The following WDR72 variants were observed in gnomAD, a reference collection of about 807,000 sequenced individuals.
WDR72 encodes WD repeat-containing protein 72.
In WDR72, 120 loss-of-function variants were observed where a neutral mutation model predicts 124.2. The observed-to-expected ratio is 0.97, with a 90% CI of 0.83 to 1.12. WDR72 has a LOEUF of 1.12. WDR72 is among the 50% of genes most tolerant of loss of function. The pLI is 0.00. For synonymous variants in WDR72, 452 were observed against 441.7 expected, an observed-to-expected ratio of 1.02 and a Z score of -0.29; for missense variants, 1,387 against 1,278.8, an observed-to-expected ratio of 1.08 and a Z score of -1.29.
intron 14 of WDR72, among the ~76,000 whole-genome samples, chr15:53,654,617 T>C (rs1238148953): frequency 1.3e-5 from 2 of 152,222 alleles, no homozygotes; most frequent in East Asian, 3.9e-4. Context: ...TCTGAGGTAC[T>C]GTGTGTTATA....
At chr15:53,723,273 A>G (rs1466966742) in intron 2 of WDR72, among the ~76,000 whole-genome samples, 1 of 152,238 alleles carries the variant, frequency 6.6e-6, no homozygotes, top group Non-Finnish European at 1.5e-5. Context: ...AATTCAAAAT[A>G]ACTTCACAAA....
intron 18 of WDR72, among the ~76,000 whole-genome samples, chr15:53,555,109 T>A (rs1893876797): frequency 6.6e-6 from 1 of 152,000 alleles, no homozygotes; most frequent in South Asian, 2.1e-4. Flanking sequence ...TAATGATTCA[T>A]CTGAGATGGA....
rs2018630031 is a variant in WDR72 at position 53,745,807 on chromosome 15, T to C, written c.-12-12646A>G. Among the ~76,000 whole-genome samples the C allele has an allele frequency of 2.0e-5, 3 of 152,012 alleles. No individual in the cohort carries two copies. The South Asian group carries it at 6.2e-4, about 32-fold the overall frequency. On this transcript the variant is annotated intron_variant, in intron 1 of 19. Transcript: ENST00000360509. ...CTCTTTCCTTCTACAGATGAGTAAA[T>C]GAAGGCCCAGGGAAGTTGGTTACTT...
At chr15:53,696,565 C>A (rs1210880919) in intron 13 of WDR72, among the ~76,000 whole-genome samples, 1 of 152,232 alleles carries the variant, frequency 6.6e-6, no homozygotes, top group Non-Finnish European at 1.5e-5. Flanking sequence ...TCAAATAGCT[C>A]TTTTCAGCCT....
intron 14 of WDR72, among the ~76,000 whole-genome samples, chr15:53,660,055 T>C (rs2015557844): frequency 6.6e-6 from 1 of 151,930 alleles, no homozygotes; most frequent in South Asian, 2.1e-4. Flanking sequence ...TTATAAAAAA[T>C]TGATATAGAA....
intron 13 of WDR72, among the ~76,000 whole-genome samples, chr15:53,691,523 T>C (rs964631594): frequency 6.6e-6 from 1 of 152,220 alleles, no homozygotes; most frequent in African/African-American, 2.4e-5. Flanking sequence ...CAAAAGTTTT[T>C]AAATTTTGTA....
At chr15:53,571,616 T>C (rs985404327) in intron 18 of WDR72, among the ~76,000 whole-genome samples, 2 of 152,140 alleles carry the variant, frequency 1.3e-5, no homozygotes, top group Non-Finnish European at 1.5e-5. Flanking sequence ...TATTCATCCA[T>C]TGATGGACAC....
At chr15:53,517,851 A>C (rs1891549395) in intron 19 of WDR72, 97 bp from the exon 20 acceptor site, 2 of 1,138,514 alleles carry the variant, frequency 1.8e-6, no homozygotes, top group East Asian at 4.7e-5. Context: ...GAAATGAAGA[A>C]TAGATACAGA....
At chr15:53,590,376 A>G (rs1289711524) in intron 18 of WDR72, among the ~76,000 whole-genome samples, 1 of 152,058 alleles carries the variant, frequency 6.6e-6, no homozygotes, top group Non-Finnish European at 1.5e-5. Flanking sequence ...AGTCTTCAAT[A>G]TTAATTACAT....
intron 3 of WDR72, among the ~76,000 whole-genome samples, chr15:53,720,223 C>T (rs567177355): frequency 2.0e-5 from 3 of 152,110 alleles, no homozygotes; most frequent in African/African-American, 4.8e-5. Flanking sequence ...ATACTTGAAA[C>T]GTAAACATAT....
chr15:53,616,093 T>A lies in WDR72; in HGVS notation c.2113A>T (p.Ser705Cys). 6.2e-7 allele frequency: 1 copy of A among 1,605,674 alleles called. No individual in the cohort carries two copies. Residue 705 changes from serine to cysteine, a missense_variant, in exon 15 of 20, where the codon AGT (serine) becomes TGT (cysteine). Transcript: ENST00000360509. The stretch of plus-strand genomic sequence containing the variant: ...AGGACCTCACCACCATAGAATGAAC[T>A]GGAAGAGTCAACATCACTGAGTGGA... ...PTPLSDVDSSSSFYGGEVLRR... is the reference protein window; with the variant it reads ...PTPLSDVDSSCSFYGGEVLRR...
At chr15:53,543,245 T>C (rs1397486095) in intron 18 of WDR72, among the ~76,000 whole-genome samples, 1 of 149,274 alleles carries the variant, frequency 6.7e-6, no homozygotes, top group Admixed American at 6.7e-5. Context: ...TACTTGGAAG[T>C]AAAGCTCTCC....
intron 18 of WDR72, among the ~76,000 whole-genome samples, chr15:53,552,538 T>C (rs1906425): frequency 0.28 from 42,966 of 152,084 alleles, 6,810 homozygotes; most frequent in African/African-American, 0.44. Flanking sequence ...ATGTTTATAG[T>C]TAATTTTATA....
At chr15:53,542,910 A>C (rs1371183764) in intron 18 of WDR72, among the ~76,000 whole-genome samples, 2 of 149,556 alleles carry the variant, frequency 1.3e-5, no homozygotes, top group South Asian at 2.2e-4. Flanking sequence ...CCATTACATA[A>C]TGGTAAAGGG....
intron 13 of WDR72, among the ~76,000 whole-genome samples, chr15:53,669,030 GGAA>G (rs201056116): frequency 0.23 from 28,760 of 124,056 alleles, 4,550 homozygotes; most frequent in Middle Eastern, 0.4. Context: ...GAAGAAGGGA[GGAA>G]GGGAAAGAAG....
intron 6 of WDR72, 79 bp from the exon 7 acceptor site, chr15:53,712,970 A>C (rs2017589979): frequency 6.6e-7 from 1 of 1,511,176 alleles, no homozygotes; most frequent in Non-Finnish European, 9.1e-7. Flanking sequence ...CTTCCCGTAC[A>C]TCTCAAGTAG....
At chr15:53,757,230 G>C (rs573966973) in intron 1 of WDR72, among the ~76,000 whole-genome samples, 1 of 152,202 alleles carries the variant, frequency 6.6e-6, no homozygotes, top group South Asian at 2.1e-4. Flanking sequence ...ATTCAGCCTA[G>C]AGAAGAACTG....
At chr15:53,579,345 C>T (rs12901183) in intron 18 of WDR72, among the ~76,000 whole-genome samples, 81,862 of 151,876 alleles carry the variant, frequency 0.54, 23,239 homozygotes, top group African/African-American at 0.72. Context: ...TGGAATAAAA[C>T]GGAAACCTAC....
intron 14 of WDR72, among the ~76,000 whole-genome samples, chr15:53,642,764 C>T (rs1478166044): frequency 5.3e-5 from 8 of 152,002 alleles, no homozygotes. Context: ...TCAAATTTTG[C>T]CCCTTCAAAT....
Sources: gnomAD v4.1 joint callset for allele counts (sites outside exome capture counted in the v4.1 genomes callset) on GRCh38, gnomAD v4.1.1 for gene constraint, MANE v1.5 for transcripts, NCBI Gene and HGNC (gene_info 2026-07-23, HGNC 2026-07-21) for gene names.